Variants in PTPRA observed in about 807,000 individuals in gnomAD.
PTPRA encodes the protein receptor-type tyrosine-protein phosphatase alpha.
A neutral mutation model predicts 104.8 loss-of-function variants in PTPRA; 25 were observed. The ratio of observed to expected loss-of-function variants is 0.24; its 90% CI spans 0.17 to 0.33. The LOEUF is 0.33. Ranked by LOEUF, PTPRA falls within the 10% of genes least tolerant of loss-of-function variation. The pLI is 1.00. For missense variants in PTPRA, 765 were observed against 1,015.3 expected (o/e 0.75, Z 3.35); for synonymous variants, 323 against 368.9 (o/e 0.88, Z 1.43).
chr20:2,899,177 A>G (rs1397982500), intron 1 of PTPRA, among the ~76,000 whole-genome samples: 1 of 152,182 alleles, frequency 6.6e-6, no homozygotes, highest in Non-Finnish European at 1.5e-5. Context: ...TCTACCAAAA[A>G]ACACAAAAAG....
At chr20:2,890,062 A>AT (rs11359203) in intron 1 of PTPRA, among the ~76,000 whole-genome samples, 136 of 134,702 alleles carry the variant, frequency 1.0e-3, no homozygotes, top group Admixed American at 2.3e-3. Flanking sequence ...TAATTTTTTG[A>AT]TTTTTTTTTT....
chr20:2,885,031 G>A (rs1172360784), intron 1 of PTPRA, among the ~76,000 whole-genome samples: 1 of 151,992 alleles, frequency 6.6e-6, no homozygotes, highest in African/African-American at 2.4e-5. Context: ...GGATGGTCTC[G>A]ACCTCGTGAT....
At chr20:3,007,574 T>C (rs1477619135) in intron 11 of PTPRA, among the ~76,000 whole-genome samples, 154 bp downstream of exon 11, 1 of 152,164 alleles carries the variant, frequency 6.6e-6, no homozygotes, top group East Asian at 1.9e-4. Context: ...TTTTTTAAGG[T>C]CAGTCAAATA....
At chr20:3,032,570 A>G (rs981043077) in intron 20 of PTPRA, among the ~76,000 whole-genome samples, 7 of 151,230 alleles carry the variant, frequency 4.6e-5, no homozygotes, top group South Asian at 4.2e-4. Context: ...GATCGAGACC[A>G]GCCTGGCCAA....
intron 9 of PTPRA, among the ~76,000 whole-genome samples, chr20:2,996,167 G>A (rs570138441): frequency 6.6e-6 from 1 of 152,220 alleles, no homozygotes; most frequent in East Asian, 1.9e-4. Flanking sequence ...AAAACAAACA[G>A]AACTATTGAT....
At chr20:2,864,848 G>A in the PTPRA span, 1 of 1,269,518 alleles carries the variant, frequency 7.9e-7, no homozygotes, top group Non-Finnish European at 1.1e-6. This position sits in a 1 kb window ranked among gnomAD's most constrained non-coding sequence, Gnocchi z 5.2. Flanking sequence ...ACATCAGAGT[G>A]GTGCACCTAG....
chr20:3,026,608 G>A (rs755332129), intron 17 of PTPRA, 79 bp from the exon 18 acceptor site: 2 of 1,105,480 alleles, frequency 1.8e-6, no homozygotes, highest in Non-Finnish European at 2.7e-6. Context: ...GCCTGGAGGT[G>A]CAGGCCAAGG....
intron 11 of PTPRA, among the ~76,000 whole-genome samples, chr20:3,008,655 G>T (rs2063986326): frequency 6.6e-6 from 1 of 151,026 alleles, no homozygotes; most frequent in Admixed American, 6.6e-5. Flanking sequence ...ACTTTGGGAG[G>T]CCAAGGCGGT....
intron 9 of PTPRA, among the ~76,000 whole-genome samples, chr20:3,000,820 T>G (rs1208209523): frequency 1.3e-5 from 2 of 152,158 alleles, no homozygotes; most frequent in African/African-American, 4.8e-5. Flanking sequence ...AATAATACAT[T>G]GTTTTGGATG....
At chr20:3,008,693 C>T (rs186321983) in intron 11 of PTPRA, among the ~76,000 whole-genome samples, 1,980 of 145,868 alleles carry the variant, frequency 0.014, 26 homozygotes, top group Non-Finnish European at 0.019. Flanking sequence ...AAGTTTGAGA[C>T]CAGCCTGACC....
In PTPRA at chr20:3,026,798, A is replaced by G; in HGVS notation, c.1708+18A>G. The G allele has an allele frequency of 6.4e-7, 1 of 1,571,160 alleles. No individual in the cohort carries two copies. The highest frequency in any genetic ancestry group is 1.4e-5 in the African/African-American group (1 of 73,954). On this transcript the variant is annotated intron_variant, in intron 18 of 23. Transcript: ENST00000399903. ...CATTCCATGTAAGAGCCCTCCCGCC[A>G]CTCCAAAGCCTTATTGCCCCATCCC...
At chr20:2,973,064 C>G (rs1600195230) in intron 5 of PTPRA, among the ~76,000 whole-genome samples, 1 of 151,734 alleles carries the variant, frequency 6.6e-6, no homozygotes, top group African/African-American at 2.4e-5. Context: ...GAAAAGTTCT[C>G]CCTTGTGATT....
intron 20 of PTPRA, among the ~76,000 whole-genome samples, chr20:3,033,396 C>T (rs2065620068): frequency 6.6e-6 from 1 of 151,908 alleles, no homozygotes; most frequent in South Asian, 2.1e-4. Context: ...AGAGCCTCCC[C>T]ACTTTTCTCC....
intron 1 of PTPRA, among the ~76,000 whole-genome samples, chr20:2,905,602 ATCCCCTTT>A (rs1450037825): frequency 2.6e-5 from 4 of 151,956 alleles, no homozygotes; most frequent in Admixed American, 6.6e-5. Flanking sequence ...ATAAATACAA[ATCCCCTTT>A]TCCCCTTTTC....
At position 3,019,229 on chromosome 20, in the gene PTPRA, G is replaced by T. The variant is rs1286168714; in HGVS notation, c.1041+1316G>T. Among the ~76,000 whole-genome samples the T allele has an allele frequency of 1.7e-4, 25 of 144,874 alleles. No individual in the cohort carries two copies. The East Asian group carries it at 4.5e-3, about 26-fold the overall frequency. On this transcript the variant is annotated intron_variant, in intron 13 of 23. Coordinates refer to ENST00000399903, the MANE Select transcript of PTPRA (RefSeq NM_001385305.1). Reference sequence around the variant, plus strand: ...TGACCCCCCCACCTCCCTCCCGGACGGGGCGGCTGGCCGGGCGGGGGGCTG... The same window carrying T: ...TGACCCCCCCACCTCCCTCCCGGACTGGGCGGCTGGCCGGGCGGGGGGCTG...
chr20:2,913,741 T>G (rs2059802398), intron 1 of PTPRA, among the ~76,000 whole-genome samples: 1 of 152,216 alleles, frequency 6.6e-6, no homozygotes, highest in Non-Finnish European at 1.5e-5. Context: ...GTCACTTGAT[T>G]AAGATTGTGT....
chr20:3,012,328 G>T lies in PTPRA; in HGVS notation c.907-3521G>T, dbSNP rs188426131. On this transcript the variant is annotated intron_variant, in intron 11 of 23. Coordinates refer to ENST00000399903, the MANE Select transcript of PTPRA (RefSeq NM_001385305.1). ...TAGCAGGTAGATCACAAATGATGAG[G>T]GTTGACAAGGAAGCGGCGACAAAGT... 1.5e-3 allele frequency among the ~76,000 whole-genome samples: 227 copies of T among 152,336 alleles called. 6 individuals carry two copies. The highest frequency in any genetic ancestry group is 0.015 in the Admixed American group (227 of 15,296).
In PTPRA at chr20:2,950,612, C is replaced by T. The variant is rs1316586071; in HGVS notation, c.-7+2588C>T. On this transcript the variant is annotated intron_variant, in intron 3 of 23. Transcript: ENST00000399903. The surrounding 1 kb of genome is among the most constrained non-coding windows in gnomAD (Gnocchi z 4.0). ...GAGCCGAGATCGCACCACTGCACTC[C>T]AGCCTGGGCGACAGAGCGAGACTCC... Among the ~76,000 whole-genome samples, 2 of 151,220 alleles carry T rather than the reference C, an allele frequency of 1.3e-5. No homozygotes were observed. Among genetic ancestry groups the T allele is most frequent in the East Asian group, 3.9e-4 (2 of 5,166 alleles).
At chr20:2,991,786 C>T (rs1314313882) in intron 9 of PTPRA, among the ~76,000 whole-genome samples, 3 of 152,202 alleles carry the variant, frequency 2.0e-5, no homozygotes, top group African/African-American at 4.8e-5. Flanking sequence ...TGACCATCAT[C>T]ACCTGGGTTT....
Sources: allele counts gnomAD v4.1 joint callset (sites outside exome capture counted in the v4.1 genomes callset), GRCh38; gene constraint gnomAD v4.1.1; non-coding constraint Gnocchi (gnomAD v3.1); transcripts MANE v1.5; gene names NCBI Gene and HGNC (gene_info 2026-07-23, HGNC 2026-07-21).